SHANK2: variants seen among roughly 807,000 people sequenced by gnomAD.
SHANK2 encodes the protein SH3 and multiple ankyrin repeat domains protein 2.
SHANK2 carries 43 observed loss-of-function variants against 133.7 expected under a neutral mutation model. The observed-to-expected ratio is 0.32, with a 90% CI of 0.25 to 0.41. The LOEUF is 0.41. Among genes scored for constraint, SHANK2 ranks in the 10% least tolerant of loss-of-function variants. The probability of loss-of-function intolerance (pLI) is 1.00; values close to 1 mark genes in which losing one functional copy is unlikely to be tolerated. For synonymous variants in SHANK2, 1,017 were observed against 952.8 expected, an observed-to-expected ratio of 1.07 and a Z score of -1.24; for missense variants, 1,994 against 2,235.8, an observed-to-expected ratio of 0.89 and a Z score of 2.18.
rs915499060 is a variant in SHANK2 at position 70,919,249 on chromosome 11, C to T, written c.1108-22682G>A. The stretch of plus-strand genomic sequence containing the variant: ...GAGCTGATGAACACGCACACCGCCT[C>T]ACATGCTGACCATCTTTTTGTGGTG... On this transcript the variant is annotated intron_variant, in intron 10 of 25. Transcript: ENST00000601538. Among the ~76,000 whole-genome samples the T allele has an allele frequency of 2.6e-5, 4 of 152,184 alleles. No homozygotes were observed. The East Asian group carries it at 7.7e-4, about 29-fold the overall frequency.
chr11:70,887,271 A>G (rs1949761942), intron 11 of SHANK2, among the ~76,000 whole-genome samples: 1 of 74,012 alleles, frequency 1.4e-5, no homozygotes, highest in Non-Finnish European at 4.9e-5. Context: ...GGACGACAAC[A>G]AGCAAGGATT....
At chr11:70,614,166 G>A (rs1468628608) in intron 17 of SHANK2, among the ~76,000 whole-genome samples, 7 of 152,214 alleles carry the variant, frequency 4.6e-5, no homozygotes, top group African/African-American at 7.2e-5. Flanking sequence ...GCCAAGGAGT[G>A]TCAGCACCAC....
intron 11 of SHANK2, among the ~76,000 whole-genome samples, chr11:70,884,730 C>T (rs10793378): frequency 3.9e-5 from 6 of 152,218 alleles, no homozygotes; most frequent in African/African-American, 9.6e-5. Flanking sequence ...TCTTTTCTTT[C>T]TTTTTTTGAG....
intron 10 of SHANK2, chr11:70,951,135 C>T (rs921097146): frequency 2.9e-6 from 1 of 342,926 alleles, no homozygotes; most frequent in Non-Finnish European, 5.4e-6. Flanking sequence ...AATTCATTTC[C>T]CCTGGCTGCT....
intron 17 of SHANK2, among the ~76,000 whole-genome samples, chr11:70,655,806 A>G (rs1591711261): frequency 6.6e-6 from 1 of 152,162 alleles, no homozygotes; most frequent in Non-Finnish European, 1.5e-5. Flanking sequence ...AAGAGGCTGG[A>G]ATGTCAACTT....
chr11:71,145,407 G>T (rs1282190141), intron 3 of SHANK2, among the ~76,000 whole-genome samples: 1 of 152,248 alleles, frequency 6.6e-6, no homozygotes, highest in African/African-American at 2.4e-5. Context: ...GTGGCCCACG[G>T]GCCTTGGGTT....
chr11:70,730,709 A>C (rs1464642643), intron 14 of SHANK2, among the ~76,000 whole-genome samples: 1 of 152,116 alleles, frequency 6.6e-6, no homozygotes, highest in South Asian at 2.1e-4. Flanking sequence ...CGGCAGGGCC[A>C]CCAACTCCCA....
At chr11:70,865,696 C>T (rs1219299725) in intron 11 of SHANK2, among the ~76,000 whole-genome samples, 3 of 151,604 alleles carry the variant, frequency 2.0e-5, no homozygotes, top group South Asian at 2.1e-4. Context: ...TGCCTCGCAC[C>T]GCCTTCTGAT....
chr11:70,783,143 T>A (rs963602929), intron 14 of SHANK2, among the ~76,000 whole-genome samples: 22 of 152,122 alleles, frequency 1.4e-4, no homozygotes, highest in African/African-American at 5.1e-4. Context: ...GAAATGGCCA[T>A]GCTCGCACCC....
At chr11:70,909,139 TC>T (rs1950152877) in intron 10 of SHANK2, among the ~76,000 whole-genome samples, 1 of 152,250 alleles carries the variant, frequency 6.6e-6, no homozygotes, top group Admixed American at 6.5e-5. Flanking sequence ...TGTAAATTTT[TC>T]CTTTGAAATA....
In SHANK2 at chr11:71,252,452, G is replaced by C. The variant is rs996630987; in HGVS notation, c.-140C>G. The C allele has an allele frequency of 1.3e-5, 2 of 151,546 alleles. No homozygotes were observed. Among genetic ancestry groups the C allele is most frequent in the African/African-American group, 2.4e-5 (1 of 41,306 alleles). 9.4% of individuals were successfully genotyped at this position (151,546 alleles called of 1,614,324 possible). On this transcript the variant is annotated 5_prime_UTR_variant, in exon 1 of 26. Transcript: ENST00000601538. This position sits in a 1 kb window ranked among gnomAD's most constrained non-coding sequence, Gnocchi z 6.3. ...GGCTCGGCGAGTCGGGGGCGGGTCC[G>C]AGCCCCCCGGGAGCGCCAGCGTCCG...
chr11:70,861,668 C>T (rs1404141417), intron 11 of SHANK2, among the ~76,000 whole-genome samples: 2 of 152,148 alleles, frequency 1.3e-5, no homozygotes, highest in East Asian at 3.9e-4. Flanking sequence ...GGGTTTGTTT[C>T]TTTGACTCCT....
intron 17 of SHANK2, among the ~76,000 whole-genome samples, chr11:70,562,398 T>C (rs12363598): frequency 0.97 from 147,075 of 152,314 alleles, 71,220 homozygotes; most frequent in East Asian, 1. Context: ...GTAGTTTTAT[T>C]TATTTTTCCT....
chr11:70,886,697 TCACA>T (rs10579290), intron 11 of SHANK2, among the ~76,000 whole-genome samples: 111,208 of 143,454 alleles, frequency 0.78, 41,033 homozygotes, highest in South Asian at 0.84. Flanking sequence ...AATCACACAA[TCACA>T]CACACACACA....
At chr11:71,056,115 C>T (rs1950915950) in intron 10 of SHANK2, among the ~76,000 whole-genome samples, 1 of 152,290 alleles carries the variant, frequency 6.6e-6, no homozygotes, top group African/African-American at 2.4e-5. Flanking sequence ...AAGCCCCCTC[C>T]TGTGTGATCC....
At chr11:70,757,040 G>A (rs1051336172) in intron 14 of SHANK2, among the ~76,000 whole-genome samples, 1 of 152,218 alleles carries the variant, frequency 6.6e-6, no homozygotes, top group South Asian at 2.1e-4. Flanking sequence ...TTATGGAGGG[G>A]AGCCGTGTGA....
chr11:70,507,429 C>T (rs1554968596), intron 17 of SHANK2, among the ~76,000 whole-genome samples: 1 of 152,172 alleles, frequency 6.6e-6, no homozygotes, highest in Non-Finnish European at 1.5e-5. Context: ...TATAAGCTTC[C>T]CAGGCCAGTC....
rs925173448 is a variant in SHANK2, at chr11:70,586,981, C to T, written c.2061+72847G>A. ...AAACGTCACTCCGAAGATTGTTATT[C>T]GAGGTCATTCTCCATGCACCGCTGG... On this transcript the variant is annotated intron_variant, in intron 17 of 25. Transcript: ENST00000601538. 6.6e-5 allele frequency among the ~76,000 whole-genome samples: 10 copies of T among 152,126 alleles called. No homozygotes were observed. In the South Asian group the frequency reaches 1.9e-3, roughly 28 times the overall value.
chr11:70,862,193 G>C (rs984183526), intron 11 of SHANK2, among the ~76,000 whole-genome samples: 6 of 152,150 alleles, frequency 3.9e-5, no homozygotes, highest in African/African-American at 1.4e-4. Context: ...CCAGCTCCCC[G>C]AACACAGCCT....
Sources: gnomAD v4.1 joint callset for allele counts (sites outside exome capture counted in the v4.1 genomes callset) on GRCh38, gnomAD v4.1.1 for gene constraint, Gnocchi (gnomAD v3.1) non-coding constraint, MANE v1.5 for transcripts, NCBI Gene and HGNC (gene_info 2026-07-23, HGNC 2026-07-21) for gene names.